CUX1: variants seen among roughly 807,000 people sequenced by gnomAD.
The protein encoded by CUX1 is cut like homeobox 1, also known as protein CASP.
Under a neutral mutation model 158.8 loss-of-function variants are expected in CUX1, and 31 were observed. The ratio of observed to expected loss-of-function variants is 0.20; its 90% CI spans 0.15 to 0.26. The LOEUF is 0.26. Among genes scored for constraint, CUX1 ranks in the 10% least tolerant of loss-of-function variants. The pLI is 1.00. For synonymous variants in CUX1, 879 were observed against 862.1 expected, an observed-to-expected ratio of 1.02 and a Z score of -0.34; for missense variants, 1,589 against 2,014.6, an observed-to-expected ratio of 0.79 and a Z score of 4.04.
intron 1 of CUX1, among the ~76,000 whole-genome samples, chr7:101,870,754 C>A (rs571071967): frequency 6.6e-6 from 1 of 152,298 alleles, no homozygotes; most frequent in East Asian, 1.9e-4. Context: ...ATTTTTCCAA[C>A]CCTTTGTGGT....
intron 12 of CUX1, among the ~76,000 whole-genome samples, chr7:102,192,840 G>T (rs1794425705): frequency 1.3e-5 from 2 of 152,278 alleles, no homozygotes; most frequent in Admixed American, 1.3e-4. Context: ...AAGCCACATA[G>T]CCTCACTTCC....
chr7:102,118,798 C>T lies in CUX1; in HGVS notation c.674+3525C>T, dbSNP rs185824063. Among the ~76,000 whole-genome samples, 30 of 152,266 alleles carry T rather than the reference C, an allele frequency of 2.0e-4. 1 individual carries two copies. The East Asian group carries it at 4.8e-3, about 25-fold the overall frequency. ...ATGGAATCTTGCTCTGTCGTCTAGGCTGGAGTGCAGTGGCACGATCTTGGC... is the reference window on the plus strand; with the variant it reads ...ATGGAATCTTGCTCTGTCGTCTAGGTTGGAGTGCAGTGGCACGATCTTGGC... On this transcript the variant is annotated intron_variant, in intron 8 of 23. Transcript: ENST00000292535.
At chr7:102,157,328 A>G (rs1227507800) in intron 8 of CUX1, among the ~76,000 whole-genome samples, 99 of 131,526 alleles carry the variant, frequency 7.5e-4, no homozygotes, top group Non-Finnish European at 1.7e-5. Context: ...GGGTATGCTA[A>G]AAAAAAAAAC....
intron 21 of CUX1, among the ~76,000 whole-genome samples, chr7:102,232,265 G>A (rs1799086230): frequency 6.6e-6 from 1 of 152,098 alleles, no homozygotes; most frequent in South Asian, 2.1e-4. Flanking sequence ...ACAATTGCTT[G>A]AGCCCAGGAG....
At chr7:102,049,119 C>T (rs1728612828) in intron 3 of CUX1, among the ~76,000 whole-genome samples, 1 of 152,030 alleles carries the variant, frequency 6.6e-6, no homozygotes, top group Admixed American at 6.6e-5. Flanking sequence ...CTACAAGGAC[C>T]TAGGGGGACA....
chr7:102,150,134 G>GT (rs1465952521), intron 8 of CUX1, among the ~76,000 whole-genome samples: 36 of 151,960 alleles, frequency 2.4e-4, no homozygotes, highest in African/African-American at 7.5e-4. Context: ...CTATTGGTGG[G>GT]TTTTTTTTGT....
rs924810494 is a variant in CUX1, at chr7:102,129,577, G to A, written c.674+14304G>A. 5.9e-5 allele frequency among the ~76,000 whole-genome samples: 9 copies of A among 152,204 alleles called. No individual in the cohort carries two copies. The East Asian group carries it at 7.7e-4, about 13-fold the overall frequency. Reference sequence around the variant, plus strand: ...TGGGTGCCTGTAATCCCAGCTACTCGGGAGGCTGAAGCAGGAGAATGGCTT... The same window carrying A: ...TGGGTGCCTGTAATCCCAGCTACTCAGGAGGCTGAAGCAGGAGAATGGCTT... On this transcript the variant is annotated intron_variant, in intron 8 of 23. Coordinates refer to ENST00000292535, the MANE Select transcript of CUX1 (RefSeq NM_181552.4).
At position 102,250,947 on chromosome 7, in the gene CUX1, C is replaced by A; in HGVS notation, c.*1905C>A. ...CTTTATTGCCATATCTTTAAACTAA[C>A]AATAGATGATTTCGGTATATATATA... On this transcript the variant is annotated 3_prime_UTR_variant, in exon 24 of 24. Transcript: ENST00000292535. 1 of 971,284 alleles carries A rather than the reference C, an allele frequency of 1.0e-6. No homozygotes were observed. The highest frequency in any genetic ancestry group is 1.2e-6 in the Non-Finnish European group (1 of 817,304). The allele number at this position is 971,284 out of a possible 1,614,324, so 60.2% of individuals were successfully genotyped here. A position where few individuals can be genotyped will look rare whatever the true frequency, so the allele number is the denominator to read the frequency against.
intron 2 of CUX1, among the ~76,000 whole-genome samples, chr7:102,007,824 A>C (rs1475711184): frequency 2.0e-5 from 3 of 150,992 alleles, no homozygotes. Context: ...GGCTCACTGC[A>C]ACCTCCGCCT....
chr7:102,178,256 A>G (rs1247648438), intron 10 of CUX1, among the ~76,000 whole-genome samples: 6 of 152,182 alleles, frequency 3.9e-5, no homozygotes, highest in Non-Finnish European at 8.8e-5. Context: ...CACTCAGTAC[A>G]TATTTGTCCA....
At chr7:102,051,370 G>T (rs909139446) in intron 3 of CUX1, among the ~76,000 whole-genome samples, 1 of 151,750 alleles carries the variant, frequency 6.6e-6, no homozygotes, top group African/African-American at 2.4e-5. Flanking sequence ...AAATAGGGCC[G>T]GGCGCAGTGG....
intron 20 of CUX1, among the ~76,000 whole-genome samples, chr7:102,216,195 A>G (rs1285890252): frequency 6.6e-6 from 1 of 152,050 alleles, no homozygotes; most frequent in Non-Finnish European, 1.5e-5. Context: ...TCTATAGTCT[A>G]TAGTCCCAGC....
At chr7:102,117,912 C>T (rs868970149) in intron 8 of CUX1, among the ~76,000 whole-genome samples, 17 of 152,158 alleles carry the variant, frequency 1.1e-4, no homozygotes, top group African/African-American at 4.1e-4. Context: ...ACAAAGGCAG[C>T]CTAGGACCAA....
intron 2 of CUX1, among the ~76,000 whole-genome samples, chr7:101,956,421 C>T (rs1370651569): frequency 6.6e-6 from 1 of 151,892 alleles, no homozygotes; most frequent in African/African-American, 2.4e-5. Context: ...TAATCTGACT[C>T]ATAAAAGGAT....
At chr7:101,897,230 A>G (rs567048369) in intron 1 of CUX1, among the ~76,000 whole-genome samples, 17 of 152,318 alleles carry the variant, frequency 1.1e-4, no homozygotes, top group African/African-American at 3.8e-4. Flanking sequence ...GTCATTTGCT[A>G]TTAGACATCT....
chr7:102,016,748 T>G (rs897053491), intron 2 of CUX1, among the ~76,000 whole-genome samples: 1 of 152,254 alleles, frequency 6.6e-6, no homozygotes, highest in South Asian at 2.1e-4. Flanking sequence ...AACATTCTTG[T>G]GCATAAATCT....
intron 2 of CUX1, among the ~76,000 whole-genome samples, chr7:102,011,687 C>T (rs1818049338): frequency 6.6e-6 from 1 of 151,850 alleles, no homozygotes; most frequent in Non-Finnish European, 1.5e-5. Context: ...GGCCTTCTGC[C>T]TTTTTTGGTG....
At chr7:102,199,774 A>T (rs1795205986) in intron 16 of CUX1, among the ~76,000 whole-genome samples, 1 of 151,894 alleles carries the variant, frequency 6.6e-6, no homozygotes, top group Admixed American at 6.6e-5. Flanking sequence ...CCTTTTAATC[A>T]CTCGCCTTTT....
At chr7:101,846,945 A>G (rs1394459297) in intron 1 of CUX1, among the ~76,000 whole-genome samples, 2 of 152,156 alleles carry the variant, frequency 1.3e-5, no homozygotes, top group East Asian at 3.9e-4. Context: ...CAGCCTGGGC[A>G]ACATAGCAAG....
Sources: gnomAD v4.1 joint callset for allele counts (sites outside exome capture counted in the v4.1 genomes callset) on GRCh38, gnomAD v4.1.1 for gene constraint, MANE v1.5 for transcripts, NCBI Gene and HGNC (gene_info 2026-07-23, HGNC 2026-07-21) for gene names.